Variants in ANKDD1B observed in about 807,000 individuals in gnomAD.
ANKDD1B encodes ankyrin repeat and death domain containing 1B.
A neutral mutation model predicts 59.7 loss-of-function variants in ANKDD1B; 57 were observed. The ratio of observed to expected loss-of-function variants is 0.95; its 90% confidence interval spans 0.77 to 1.19. ANKDD1B has a LOEUF of 1.19. ANKDD1B is among the 50% of genes most tolerant of loss of function. ANKDD1B has a pLI of 0.00. For synonymous variants in ANKDD1B, 216 were observed against 239.5 expected (o/e 0.90, Z 0.91); for missense variants, 602 against 641.9 (o/e 0.94, Z 0.67).
chr5:75,616,728 G>T, intron 1 of ANKDD1B, 76 bp from the exon 2 acceptor site: 1 of 615,516 alleles, frequency 1.6e-6, no homozygotes. Flanking sequence ...GTTGTTACAA[G>T]GTTTGCCCTA....
At chr5:75,666,668 A>G (rs1775314119) in intron 11 of ANKDD1B, 124 bp from the exon 12 acceptor site, 2 of 648,620 alleles carry the variant, frequency 3.1e-6, no homozygotes, top group East Asian at 5.7e-5. Context: ...CAGTGACAGG[A>G]GGCATTGAAA....
intron 5 of ANKDD1B, among the ~76,000 whole-genome samples, chr5:75,630,501 T>C (rs958696470): frequency 2.0e-5 from 3 of 152,258 alleles, no homozygotes; most frequent in East Asian, 3.8e-4. Flanking sequence ...CTGTGGTAAC[T>C]GTAGTCTTTT....
chr5:75,647,426 CA>C (rs1182753563), intron 7 of ANKDD1B, among the ~76,000 whole-genome samples: 1 of 127,734 alleles, frequency 7.8e-6, no homozygotes, highest in Non-Finnish European at 1.5e-5. Context: ...ACAACCCCAT[CA>C]AAAAGTGGGC....
At chr5:75,654,547 G>A (rs141279781) in intron 8 of ANKDD1B, among the ~76,000 whole-genome samples, 2,088 of 152,204 alleles carry the variant, frequency 0.014, 17 homozygotes, top group Non-Finnish European at 0.021. Flanking sequence ...AAGCACAGTG[G>A]TGCATGCCTG....
At chr5:75,622,589 G>A (rs1323885684) in intron 3 of ANKDD1B, among the ~76,000 whole-genome samples, 1 of 152,180 alleles carries the variant, frequency 6.6e-6, no homozygotes, top group Admixed American at 6.5e-5. Context: ...GGTGCTCAGA[G>A]GATAAAAACA....
At chr5:75,635,681 A>G in intron 6 of ANKDD1B, 103 bp from the exon 7 acceptor site, 1 of 673,534 alleles carries the variant, frequency 1.5e-6, no homozygotes, top group Non-Finnish European at 2.4e-6. Flanking sequence ...CCGCAGCTTT[A>G]ACCAAAATGA....
chr5:75,658,234 T>C (rs1775025051), intron 9 of ANKDD1B, among the ~76,000 whole-genome samples: 1 of 152,054 alleles, frequency 6.6e-6, no homozygotes, highest in Non-Finnish European at 1.5e-5. Flanking sequence ...TATATAAATG[T>C]TTTTTGGTAA....
intron 12 of ANKDD1B, 107 bp from the exon 13 acceptor site, chr5:75,669,145 A>T: frequency 8.9e-7 from 1 of 1,121,140 alleles, no homozygotes; most frequent in Non-Finnish European, 1.1e-6. Context: ...TCGAAGAGGA[A>T]CAGGCAAGCA....
intron 11 of ANKDD1B, among the ~76,000 whole-genome samples, chr5:75,665,961 G>T (rs892064702): frequency 6.6e-6 from 1 of 152,142 alleles, no homozygotes; most frequent in African/African-American, 2.4e-5. Context: ...CAGACTTCTT[G>T]GTGGGCCACT....
intron 6 of ANKDD1B, 64 bp downstream of exon 6, chr5:75,635,060 G>A: frequency 9.3e-7 from 1 of 1,072,562 alleles, no homozygotes; most frequent in Non-Finnish European, 1.4e-6. Context: ...TGATGTAGAG[G>A]GGTAACAATT....
In ANKDD1B at chr5:75,671,221, G is replaced by T; in HGVS notation, c.*181G>T. Reference sequence around the variant, plus strand: ...TTCAACCACTAAAAAGTCAAATATAGTTTTTTTTGCTGAGGGCAAGTTGTA... The same window carrying T: ...TTCAACCACTAAAAAGTCAAATATATTTTTTTTTGCTGAGGGCAAGTTGTA... On this transcript the variant is annotated 3_prime_UTR_variant, in exon 14 of 14. Coordinates refer to ENST00000601380, the MANE Select transcript of ANKDD1B (RefSeq NM_001276713.2). 2.7e-6 allele frequency: 1 copy of T among 368,144 alleles called. No individual in the cohort carries two copies. The highest frequency in any genetic ancestry group is 4.8e-6 in the Non-Finnish European group (1 of 207,266). The allele number at this position is 368,144 out of a possible 1,614,324, so 22.8% of individuals were successfully genotyped here.
chr5:75,651,404 A>T (rs1774828166), intron 7 of ANKDD1B, among the ~76,000 whole-genome samples: 1 of 152,260 alleles, frequency 6.6e-6, no homozygotes, highest in South Asian at 2.1e-4. Context: ...GGAGGATGGC[A>T]GGAGTGCCAG....
At chr5:75,620,471 A>G (rs947926607) in intron 3 of ANKDD1B, 58 bp downstream of exon 3, 1 of 920,934 alleles carries the variant, frequency 1.1e-6, no homozygotes, top group South Asian at 1.6e-5. Flanking sequence ...GGAGAATCTG[A>G]TCATTCCAGT....
chr5:75,633,513 T>C (rs576304423), intron 5 of ANKDD1B, among the ~76,000 whole-genome samples: 1 of 152,340 alleles, frequency 6.6e-6, no homozygotes, highest in East Asian at 1.9e-4. Flanking sequence ...TACCCTATTT[T>C]ATCAAGTGTT....
At chr5:75,643,614 C>G (rs1363457764) in intron 7 of ANKDD1B, among the ~76,000 whole-genome samples, 5 of 45,582 alleles carry the variant, frequency 1.1e-4, no homozygotes, top group South Asian at 5.8e-4. Context: ...ACCAAATCTA[C>G]GTCGGATTGG....
chr5:75,631,545 A>T (rs929585550), intron 5 of ANKDD1B, among the ~76,000 whole-genome samples: 1 of 152,110 alleles, frequency 6.6e-6, no homozygotes, highest in African/African-American at 2.4e-5. Context: ...GTTATTCAGG[A>T]GATATTTATT....
At chr5:75,653,749 A>G (rs1052398962) in intron 8 of ANKDD1B, among the ~76,000 whole-genome samples, 1 of 151,948 alleles carries the variant, frequency 6.6e-6, no homozygotes, top group Non-Finnish European at 1.5e-5. Context: ...CTATTTTTCC[A>G]CTCTATTTTC....
At chr5:75,655,785 T>C (rs1218778100) in intron 8 of ANKDD1B, among the ~76,000 whole-genome samples, 8 of 152,212 alleles carry the variant, frequency 5.3e-5, no homozygotes, top group Non-Finnish European at 2.9e-5. Flanking sequence ...GCTTGGCCCA[T>C]AGTAGGTGCT....
At position 75,611,650 on chromosome 5, in the gene ANKDD1B, C is replaced by A. The variant is rs1773558214; in HGVS notation, c.16C>A (p.Arg6Ser). ...GGAGGAGACTATGGACCCCGCCGGG[C>A]GCGCCCGGGGCCAAGGGGCCACGGC... MDPAGRARGQGATAGG... is the reference protein window; with the variant it reads MDPAGSARGQGATAGG... The change falls in exon 1 of 14, where the codon CGC becomes AGC. Residue 6 changes from arginine (R) to serine (S), a missense_variant. This residue lies in a region of ANKDD1B where 317 missense variants were observed against 304.6 expected (regional missense o/e 1.04). Coordinates refer to ENST00000601380, the MANE Select transcript of ANKDD1B (RefSeq NM_001276713.2). 6.5e-6 allele frequency: 8 copies of A among 1,231,368 alleles called. No individual in the cohort carries two copies. Among genetic ancestry groups the A allele is most frequent in the Non-Finnish European group, 6.1e-6 (6 of 987,804 alleles). The allele number at this position is 1,231,368 out of a possible 1,614,324, so 76.3% of individuals were successfully genotyped here.
Sources: gnomAD v4.1 joint callset for allele counts (sites outside exome capture counted in the v4.1 genomes callset) on GRCh38, gnomAD v4.1.1 for gene constraint, gnomAD v4.1.1 regional missense constraint, MANE v1.5 for transcripts, NCBI Gene and HGNC (gene_info 2026-07-23, HGNC 2026-07-21) for gene names.